TADA3: variants seen among roughly 807,000 people sequenced by gnomAD.
The protein encoded by TADA3 is transcriptional adapter 3.
Under a neutral mutation model 43.2 loss-of-function variants are expected in TADA3, and 25 were observed. That is an observed-to-expected ratio of 0.58 (90% CI 0.42 to 0.81). TADA3 has a LOEUF of 0.81. Among genes scored for constraint, TADA3 ranks in the 30% least tolerant of loss-of-function variants. The probability of loss-of-function intolerance (pLI) is 0.00; values close to 1 mark genes in which losing one functional copy is unlikely to be tolerated. For missense variants in TADA3, 441 were observed against 567.8 expected, an observed-to-expected ratio of 0.78 and a Z score of 2.27; for synonymous variants, 235 against 225.5, an observed-to-expected ratio of 1.04 and a Z score of -0.38.
intron 8 of TADA3, chr3:9,783,064 A>G (rs1198465810): frequency 6.6e-6 from 1 of 152,230 alleles, no homozygotes; most frequent in East Asian, 1.9e-4. Flanking sequence ...AACACTGGTC[A>G]ATTTCTTGTG....
chr3:9,789,788 G>C lies in TADA3; in HGVS notation c.383C>G (p.Pro128Arg), dbSNP rs2078694532. ...PGRPKSKNLQ[P>R]KIQEYEFTDD... ...AGTGAATTCATATTCCTGGATCTTG[G>C]GCTGAAGGTTTTTGGATTTGGGCCG... Residue 128 changes from proline to arginine, a missense_variant, in exon 3 of 9, where the codon CCC becomes CGC. Transcript: ENST00000301964. The C allele has an allele frequency of 6.2e-7, 1 of 1,614,098 alleles. No homozygotes were observed. Among genetic ancestry groups the C allele is most frequent in the Non-Finnish European group, 8.5e-7 (1 of 1,180,056 alleles).
chr3:9,792,734 T>A (rs1260205014), upstream of TADA3: 11 of 1,238,938 alleles, frequency 8.9e-6, no homozygotes, highest in Non-Finnish European at 1.1e-5. Context: ...AGGATGGGGG[T>A]ACAGAACCGG....
At chr3:9,787,679 C>G in intron 4 of TADA3, 1 of 1,350,754 alleles carries the variant, frequency 7.4e-7, no homozygotes, top group African/African-American at 1.5e-5. Context: ...CAGGGAATTA[C>G]CTTTTGTATT....
At position 9,786,997 on chromosome 3, in the gene TADA3, G is replaced by C; in HGVS notation, c.810+9C>G. 1.9e-6 allele frequency: 3 copies of C among 1,612,022 alleles called. No homozygotes were observed. Among genetic ancestry groups the C allele is most frequent in the Non-Finnish European group, 2.5e-6 (3 of 1,178,218 alleles). On this transcript the variant is annotated intron_variant, in intron 6 of 8. Coordinates refer to ENST00000301964, the MANE Select transcript of TADA3 (RefSeq NM_006354.5). The stretch of plus-strand genomic sequence containing the variant: ...AAATATGGTTCCTCTTTTGGGTTAG[G>C]CTGCTCACCTCCACCAGGGCCTGCA...
rs201515863 is a variant in TADA3 at position 9,787,261 on chromosome 3, G to A, written c.644C>T (p.Ala215Val). 10 of 1,614,204 alleles carry A rather than the reference G, an allele frequency of 6.2e-6. No individual in the cohort carries two copies. The East Asian group carries it at 2.2e-4, about 36-fold the overall frequency. Residue 215 changes from alanine to valine, a missense_variant, in exon 5 of 9, where the codon GCA becomes GTA. By Grantham distance (64) the Ala-to-Val change is moderately conservative. Coordinates refer to ENST00000301964, the MANE Select transcript of TADA3 (RefSeq NM_006354.5). The stretch of plus-strand genomic sequence containing the variant: ...TTTCTTCTTGTCAGCCACAGCCGCT[G>A]CCCGGGCCCCATCCTTCTGCTCCTC... ...LLEEQKDGAR[A>V]AAVADKKKGL... is the part of the protein sequence containing the mutation.
chr3:9,786,866 T>C, intron 6 of TADA3, 140 bp downstream of exon 6: 1 of 700,274 alleles, frequency 1.4e-6, no homozygotes, highest in Non-Finnish European at 2.5e-6. Context: ...TTTTGCTATA[T>C]ATTAGTCCAG....
intron 1 of TADA3, among the ~76,000 whole-genome samples, chr3:9,791,998 C>G (rs1044829135): frequency 5.3e-5 from 8 of 152,336 alleles, no homozygotes; most frequent in Non-Finnish European, 7.3e-5. Context: ...TCTCCCTTCT[C>G]TAGTCACTAA....
intron 8 of TADA3, chr3:9,781,656 C>A (rs1390417603): frequency 6.9e-6 from 3 of 435,918 alleles, no homozygotes; most frequent in Non-Finnish European, 1.4e-5. Flanking sequence ...TACATTTCAT[C>A]GATGGTGGAG....
chr3:9,780,200 C>G lies in TADA3; in HGVS notation c.*157G>C, dbSNP rs2078426738. ...CTTCCTGTGTCCTGGTTGTACAGAGCTAGGCCAAAAGACCTCAGGGGAAGG... is the reference window on the plus strand; with the variant it reads ...CTTCCTGTGTCCTGGTTGTACAGAGGTAGGCCAAAAGACCTCAGGGGAAGG... On this transcript the variant is annotated 3_prime_UTR_variant, in exon 9 of 9. Coordinates refer to ENST00000301964, the MANE Select transcript of TADA3 (RefSeq NM_006354.5). 1.4e-6 allele frequency: 1 copy of G among 711,904 alleles called. No homozygotes were observed. The highest frequency in any genetic ancestry group is 2.3e-6 in the Non-Finnish European group (1 of 441,154). The allele number at this position is 711,904 out of a possible 1,614,324, so 44.1% of individuals were successfully genotyped here.
rs369910263 is a variant in TADA3, at chr3:9,787,265, G to A, written c.640C>T (p.Arg214Trp). ...DLLEEQKDGA[R>W]AAAVADKKKG... ...TTCTTGTCAGCCACAGCCGCTGCCC[G>A]GGCCCCATCCTTCTGCTCCTCCAGC... The change falls in exon 5 of 9, where the codon CGG (arginine) becomes TGG (tryptophan). Residue 214 changes from arginine (R) to tryptophan (W), a missense_variant. By Grantham distance (101) the Arg-to-Trp change is moderately radical. Transcript: ENST00000301964. 18 of 1,614,074 alleles carry A rather than the reference G, an allele frequency of 1.1e-5. No individual in the cohort carries two copies. The highest frequency in any genetic ancestry group is 2.7e-5 in the African/African-American group (2 of 74,918).
At chr3:9,781,451 G>A (rs1015637602) in intron 8 of TADA3, 3 of 446,578 alleles carry the variant, frequency 6.7e-6, no homozygotes, top group Non-Finnish European at 1.4e-5. Flanking sequence ...CCCACAGTTA[G>A]TGAGGGGGAG....
intron 4 of TADA3, 185 bp from the exon 5 acceptor site, chr3:9,787,525 C>T: frequency 2.0e-6 from 2 of 1,017,012 alleles, no homozygotes; most frequent in South Asian, 3.4e-5. Flanking sequence ...GTAAGGGAGA[C>T]AGGTCCAAAA....
chr3:9,792,684 C>CGG, upstream of TADA3: 1 of 1,233,350 alleles, frequency 8.1e-7, no homozygotes, highest in Non-Finnish European at 1.0e-6. Context: ...CAGTTAGCCC[C>CGG]GCCGAGCGCC....
At chr3:9,786,940 A>G in intron 6 of TADA3, 66 bp downstream of exon 6, 1 of 1,427,426 alleles carries the variant, frequency 7.0e-7, no homozygotes. Context: ...AATTCCGATA[A>G]AAAATAAGCA....
chr3:9,787,205 T>C lies in TADA3; in HGVS notation c.700A>G (p.Thr234Ala). Residue 234 changes from threonine (T) to alanine (A), a missense_variant, in exon 5 of 9, where the codon ACT becomes GCT. Physicochemically the swap from Thr to Ala is moderately conservative, Grantham distance 58. Transcript: ENST00000301964. ...GLMGPLTELD[T>A]KDVDALLKKS... is the part of the protein sequence containing the mutation. Reference sequence around the variant, plus strand: ...AGGGAGGTGAGAGGCCTACCTTTAGTGTCCAGTTCGGTCAGTGGCCCCATG... The same window carrying C: ...AGGGAGGTGAGAGGCCTACCTTTAGCGTCCAGTTCGGTCAGTGGCCCCATG... 1 of 1,614,208 alleles carries C rather than the reference T, an allele frequency of 6.2e-7. No homozygotes were observed. The highest frequency in any genetic ancestry group is 1.1e-5 in the South Asian group (1 of 91,084).
intron 6 of TADA3, among the ~76,000 whole-genome samples, chr3:9,786,532 G>A (rs1027154360): frequency 6.6e-6 from 1 of 152,166 alleles, no homozygotes; most frequent in African/African-American, 2.4e-5. Context: ...TTTGAATCCT[G>A]GTGTGTGAGA....
chr3:9,789,433 T>A (rs1196200186), intron 4 of TADA3, 76 bp downstream of exon 4: 8 of 1,368,122 alleles, frequency 5.8e-6, no homozygotes, highest in Non-Finnish European at 8.1e-6. Context: ...GATGCATGGC[T>A]TTGGTAGCTT....
chr3:9,783,286 T>C (rs1353158633), intron 8 of TADA3: 1 of 151,508 alleles, frequency 6.6e-6, no homozygotes, highest in Admixed American at 6.6e-5. Context: ...ACTACTAAAC[T>C]GTACACTTAA....
At chr3:9,784,934 G>A (rs1374540867) in intron 7 of TADA3, among the ~76,000 whole-genome samples, 1 of 151,792 alleles carries the variant, frequency 6.6e-6, no homozygotes, top group East Asian at 1.9e-4. Context: ...CATCCATACT[G>A]GGCTACAACT....
Sources: gnomAD v4.1 joint callset for allele counts (sites outside exome capture counted in the v4.1 genomes callset) on GRCh38, gnomAD v4.1.1 for gene constraint, MANE v1.5 for transcripts, NCBI Gene and HGNC (gene_info 2026-07-23, HGNC 2026-07-21) for gene names.